IER3IP1: variants seen among roughly 807,000 people sequenced by gnomAD.
The protein encoded by IER3IP1 is immediate early response 3 interacting protein 1, also known as immediate early response 3-interacting protein 1.
A neutral mutation model predicts 12.2 loss-of-function variants in IER3IP1; 16 were observed. The observed-to-expected ratio is 1.31, with a 90% CI of 0.89 to 1.99. The LOEUF is 1.99. IER3IP1 is among the 30% of genes most tolerant of loss of function. The pLI is 0.00. For missense variants in IER3IP1, 95 were observed against 95.8 expected, an observed-to-expected ratio of 0.99 and a Z score of 0.03; for synonymous variants, 42 against 40.0, an observed-to-expected ratio of 1.05 and a Z score of -0.19.
intron 1 of IER3IP1, among the ~76,000 whole-genome samples, chr18:47,166,727 C>G (rs2063997106): frequency 6.6e-6 from 1 of 152,012 alleles, no homozygotes; most frequent in African/African-American, 2.4e-5. Flanking sequence ...CTACAAAAAT[C>G]TATGCTTGCT....
At position 47,154,744 on chromosome 18, in the gene IER3IP1, A is replaced by G. The variant is rs1568069743; in HGVS notation, c.*1433T>C. The G allele has an allele frequency of 1.3e-5, 2 of 152,376 alleles. No homozygotes were observed. The highest frequency in any genetic ancestry group is 1.9e-4 in the East Asian group (1 of 5,186). 9.4% of individuals were successfully genotyped at this position (152,376 alleles called of 1,614,324 possible). ...CTTTCCTTGGACTAGCTGCAAGCCT[A>G]TAGTCCAAAGATCACTGATCTCTAA... On this transcript the variant is annotated 3_prime_UTR_variant, in exon 3 of 3. Transcript: ENST00000256433.
intron 1 of IER3IP1, among the ~76,000 whole-genome samples, chr18:47,175,844 C>T (rs1354414463): frequency 4.6e-5 from 7 of 151,944 alleles, no homozygotes. Context: ...CACTGCACTT[C>T]AGCCTGGGCA....
At chr18:47,175,135 G>C (rs1253664488) in intron 1 of IER3IP1, among the ~76,000 whole-genome samples, 1 of 152,166 alleles carries the variant, frequency 6.6e-6, no homozygotes, top group Non-Finnish European at 1.5e-5. Flanking sequence ...TAAATGAAAT[G>C]AATCAATCTT....
intron 1 of IER3IP1, among the ~76,000 whole-genome samples, chr18:47,173,154 G>A (rs755633642): frequency 2.0e-5 from 3 of 152,100 alleles, no homozygotes; most frequent in Non-Finnish European, 4.4e-5. Context: ...ATCTCAAACT[G>A]AGCATGACTA....
intron 1 of IER3IP1, among the ~76,000 whole-genome samples, chr18:47,170,054 G>C (rs1004648014): frequency 6.6e-6 from 1 of 152,090 alleles, no homozygotes; most frequent in East Asian, 1.9e-4. Flanking sequence ...GGGTTGTATA[G>C]CTTTTTATCT....
intron 1 of IER3IP1, 128 bp from the exon 2 acceptor site, chr18:47,157,665 A>C (rs1240084036): frequency 2.5e-6 from 2 of 803,462 alleles, no homozygotes; most frequent in African/African-American, 3.4e-5. Flanking sequence ...TTTTAAGAAA[A>C]GTTAAAACAA....
In IER3IP1 at chr18:47,156,218, CTA is replaced by C; in HGVS notation, c.206_207del (p.Ile69SerfsTer43). ...AGTAACACAATTGCAATTGAGTTTACTATTATCAATGGCACTGTAAAGAGAAA... is the reference window on the plus strand; with the variant it reads ...AGTAACACAATTGCAATTGAGTTTACTTATCAATGGCACTGTAAAGAGAAA... ...VRTVMRVPLI[I>X]VNSIAIVLLL... On this transcript the variant is annotated frameshift_variant, in exon 3 of 3. Transcript: ENST00000256433. LOFTEE classifies it high-confidence loss of function. 6.4e-7 allele frequency: 1 copy of C among 1,560,110 alleles called. No individual in the cohort carries two copies. Among genetic ancestry groups the C allele is most frequent in the Non-Finnish European group, 8.8e-7 (1 of 1,133,440 alleles).
rs145341578 is a variant in IER3IP1, at chr18:47,173,483, T to C, written c.91+2704A>G. Among the ~76,000 whole-genome samples, 611 of 152,176 alleles carry C rather than the reference T, an allele frequency of 4.0e-3. 6 individuals carry two copies. Among genetic ancestry groups the C allele is most frequent in the Non-Finnish European group, 4.6e-3 (311 of 68,010 alleles). Reference sequence around the variant, plus strand: ...CCTAAGCCTCCAGAGTAGCTGGGATTACAGGCGCCCACCACCACACCCTGC... The same window carrying C: ...CCTAAGCCTCCAGAGTAGCTGGGATCACAGGCGCCCACCACCACACCCTGC... On this transcript the variant is annotated intron_variant, in intron 1 of 2. Coordinates refer to ENST00000256433, the MANE Select transcript of IER3IP1 (RefSeq NM_016097.5).
In IER3IP1 at chr18:47,156,244, A is replaced by G; in HGVS notation, c.194-12T>C. ...TATTATCAATGGCACTGTAAAGAGA[A>G]AAAAAAAAGTTTGTTACTATAAAGA... On this transcript the variant is annotated splice_polypyrimidine_tract_variant and intron_variant, in intron 2 of 2. Coordinates refer to ENST00000256433, the MANE Select transcript of IER3IP1 (RefSeq NM_016097.5). 1 of 1,488,024 alleles carries G rather than the reference A, an allele frequency of 6.7e-7. No individual in the cohort carries two copies. Among genetic ancestry groups the G allele is most frequent in the Non-Finnish European group, 9.3e-7 (1 of 1,076,930 alleles). 92.2% of individuals were successfully genotyped at this position (1,488,024 alleles called of 1,614,324 possible). A position where few individuals can be genotyped will look rare whatever the true frequency, so the allele number is the denominator to read the frequency against.
At chr18:47,156,286 C>A (rs537408596) in intron 2 of IER3IP1, 54 bp from the exon 3 acceptor site, 490 of 982,430 alleles carry the variant, frequency 5.0e-4, no homozygotes, top group African/African-American at 2.7e-3. Context: ...AGAGAAAAAA[C>A]CAGAAAATAA....
intron 1 of IER3IP1, among the ~76,000 whole-genome samples, chr18:47,171,894 GC>G (rs1234661423): frequency 7.2e-5 from 11 of 152,086 alleles, no homozygotes; most frequent in African/African-American, 2.7e-4. Context: ...CTGGGTTCAA[GC>G]CATTCTCCTG....
chr18:47,175,138 T>C (rs962845921), intron 1 of IER3IP1, among the ~76,000 whole-genome samples: 5 of 152,224 alleles, frequency 3.3e-5, no homozygotes, highest in African/African-American at 4.8e-5. Context: ...ATGAAATGAA[T>C]CAATCTTGCT....
intron 1 of IER3IP1, among the ~76,000 whole-genome samples, chr18:47,165,837 G>A (rs1364652607): frequency 6.6e-6 from 1 of 152,206 alleles, no homozygotes; most frequent in South Asian, 2.1e-4. Context: ...CCAGAACCAA[G>A]CCATGCCAGT....
chr18:47,158,661 T>C (rs1051496646), intron 1 of IER3IP1, among the ~76,000 whole-genome samples: 2 of 151,938 alleles, frequency 1.3e-5, no homozygotes, highest in African/African-American at 4.8e-5. Flanking sequence ...AGGGGAGTTA[T>C]CTTTTAAAGA....
intron 1 of IER3IP1, among the ~76,000 whole-genome samples, chr18:47,159,196 AGT>A (rs1370939429): frequency 1.3e-5 from 2 of 152,236 alleles, no homozygotes; most frequent in Non-Finnish European, 2.9e-5. Flanking sequence ...ATGGTTAGTA[AGT>A]GTGCTCACCT....
chr18:47,161,794 T>C (rs1277588065), intron 1 of IER3IP1, among the ~76,000 whole-genome samples: 1 of 151,914 alleles, frequency 6.6e-6, no homozygotes, highest in Non-Finnish European at 1.5e-5. Context: ...TAATACATAC[T>C]GTAATAATTA....
At chr18:47,176,152 C>T in intron 1 of IER3IP1, 35 bp downstream of exon 1, 3 of 1,549,990 alleles carry the variant, frequency 1.9e-6, no homozygotes, top group Non-Finnish European at 2.6e-6. Context: ...GGGACTCCGC[C>T]GCCGCCCCAG....
At position 47,153,158 on chromosome 18, in the gene IER3IP1, C is replaced by T. The variant is rs1386838854; in HGVS notation, c.*3019G>A. On this transcript the variant is annotated 3_prime_UTR_variant, in exon 3 of 3. Transcript: ENST00000256433. ...TCTAACACATATAGAACACAGATTGCCTACTCTTATTGTATCTAAAGCAAG... is the reference window on the plus strand; with the variant it reads ...TCTAACACATATAGAACACAGATTGTCTACTCTTATTGTATCTAAAGCAAG... 1 of 152,198 alleles carries T rather than the reference C, an allele frequency of 6.6e-6. No individual in the cohort carries two copies. The highest frequency in any genetic ancestry group is 1.5e-5 in the Non-Finnish European group (1 of 68,046). The allele number at this position is 152,198 out of a possible 1,614,324, so 9.4% of individuals were successfully genotyped here.
chr18:47,156,578 T>G (rs1188269876), intron 2 of IER3IP1, among the ~76,000 whole-genome samples: 1 of 152,160 alleles, frequency 6.6e-6, no homozygotes, highest in Non-Finnish European at 1.5e-5. Context: ...ATTAGAAATA[T>G]AGTGCATAGA....
Sources: gnomAD v4.1 joint callset for allele counts (sites outside exome capture counted in the v4.1 genomes callset) on GRCh38, gnomAD v4.1.1 for gene constraint, MANE v1.5 for transcripts, NCBI Gene and HGNC (gene_info 2026-07-23, HGNC 2026-07-21) for gene names.